CRACR2A: variants seen among roughly 807,000 people sequenced by gnomAD.
CRACR2A encodes calcium release activated channel regulator 2A.
Under a neutral mutation model 90.5 loss-of-function variants are expected in CRACR2A, and 79 were observed. That is an observed-to-expected ratio of 0.87 (90% CI 0.73 to 1.05). The LOEUF (loss-of-function observed/expected upper bound fraction) is 1.05. Ranked by LOEUF, CRACR2A falls within the 50% of genes least tolerant of loss-of-function variation. CRACR2A has a pLI of 0.00. For synonymous variants in CRACR2A, 338 were observed against 356.7 expected (o/e 0.95, Z 0.59); for missense variants, 823 against 897.2 (o/e 0.92, Z 1.06).
At chr12:3,649,754 T>C (rs1944761499) in intron 10 of CRACR2A, among the ~76,000 whole-genome samples, 1 of 150,020 alleles carries the variant, frequency 6.7e-6, no homozygotes, top group Non-Finnish European at 1.5e-5. Flanking sequence ...CAGCAAATAG[T>C]TGTAGGAAGA....
chr12:3,672,070 C>T (rs1945253711), intron 7 of CRACR2A, among the ~76,000 whole-genome samples: 1 of 152,192 alleles, frequency 6.6e-6, no homozygotes, highest in African/African-American at 2.4e-5. Context: ...ATGTTCTTAA[C>T]AGTTCTCCAG....
chr12:3,706,298 T>C (rs1945920020), intron 3 of CRACR2A, among the ~76,000 whole-genome samples: 1 of 152,258 alleles, frequency 6.6e-6, no homozygotes. Flanking sequence ...ACAGGGCTGC[T>C]CTCTCCACCC....
chr12:3,748,698 G>T (rs781368627), intron 1 of CRACR2A, among the ~76,000 whole-genome samples: 5 of 152,310 alleles, frequency 3.3e-5, no homozygotes, highest in Non-Finnish European at 4.4e-5. Context: ...AAAGGGCAGA[G>T]CAGTTACAAG....
chr12:3,643,885 T>TTA (rs1944632464), intron 12 of CRACR2A, among the ~76,000 whole-genome samples: 2 of 45,328 alleles, frequency 4.4e-5, no homozygotes, highest in East Asian at 2.1e-3. Flanking sequence ...TATATTTATA[T>TTA]TAATATATAA....
chr12:3,680,307 C>A lies in CRACR2A; in HGVS notation c.271G>T (p.Asp91Tyr). 6.2e-7 allele frequency: 1 copy of A among 1,614,214 alleles called. No individual in the cohort carries two copies. ...ELPLSLEELE[D>Y]VFDALDADGN... Reference sequence around the variant, plus strand: ...TCAGCATCCAGGGCATCAAACACATCCTCCAGTTCCTCCAGGCTGAGCGGT... The same window carrying A: ...TCAGCATCCAGGGCATCAAACACATACTCCAGTTCCTCCAGGCTGAGCGGT... The change falls in exon 5 of 20, where the codon GAT (aspartate) becomes TAT (tyrosine). Residue 91 changes from aspartate (D) to tyrosine (Y), a missense_variant. Physicochemically the swap from Asp to Tyr is radical, Grantham distance 160 (BLOSUM62 -3). Transcript: ENST00000440314.
chr12:3,619,456 G>A, intron 17 of CRACR2A, 84 bp from the exon 18 acceptor site: 1 of 1,075,152 alleles, frequency 9.3e-7, no homozygotes, highest in Non-Finnish European at 1.4e-6. Context: ...CTGGACAGAT[G>A]GGACCTCGCT....
intron 7 of CRACR2A, among the ~76,000 whole-genome samples, chr12:3,661,808 AAAGT>A (rs1482635709): frequency 1.3e-5 from 2 of 152,250 alleles, no homozygotes; most frequent in African/African-American, 4.8e-5. Flanking sequence ...TAAAACTAAT[AAAGT>A]AAGATGAGAG....
At chr12:3,629,280 C>T (rs1944336155) in intron 15 of CRACR2A, among the ~76,000 whole-genome samples, 2 of 152,318 alleles carry the variant, frequency 1.3e-5, no homozygotes, top group South Asian at 2.1e-4. Flanking sequence ...CACTGCTCCT[C>T]CTGTAGCCAG....
At chr12:3,741,591 A>G (rs1211523537) in intron 1 of CRACR2A, among the ~76,000 whole-genome samples, 3 of 152,220 alleles carry the variant, frequency 2.0e-5, no homozygotes, top group African/African-American at 7.2e-5. Flanking sequence ...AGATGAGGCA[A>G]CTGAGGCCCA....
chr12:3,644,538 T>C, intron 12 of CRACR2A, 57 bp downstream of exon 12: 1 of 1,515,444 alleles, frequency 6.6e-7, no homozygotes, highest in South Asian at 1.2e-5. Context: ...TGGATCTGGC[T>C]GTCCAGTGGA....
chr12:3,659,737 C>A, intron 7 of CRACR2A, 83 bp from the exon 8 acceptor site: 1 of 1,100,842 alleles, frequency 9.1e-7, no homozygotes, highest in South Asian at 1.3e-5. Context: ...ACCAGTTCCC[C>A]AACTCTGGAG....
intron 3 of CRACR2A, among the ~76,000 whole-genome samples, chr12:3,705,180 G>C (rs145537147): frequency 2.6e-5 from 4 of 152,322 alleles, no homozygotes; most frequent in Admixed American, 2.6e-4. Flanking sequence ...AAGGAGAAAA[G>C]AGAAAATACT....
rs946686117 is a variant in CRACR2A at position 3,633,848 on chromosome 12, C to T, written c.1603-112G>A. On this transcript the variant is annotated intron_variant, in intron 14 of 19. Transcript: ENST00000440314. The surrounding 1 kb of genome is among the most constrained non-coding windows in gnomAD (Gnocchi z 4.5). ...ACAGTGGCCCTCAGGAGGTGCAGAC[C>T]GGCCTCTAGACCTGCACCAGGAGGC... 111 of 1,437,314 alleles carry T rather than the reference C, an allele frequency of 7.7e-5. No homozygotes were observed. In the South Asian group the frequency reaches 1.1e-3, roughly 14 times the overall value. The allele number at this position is 1,437,314 out of a possible 1,614,324, so 89.0% of individuals were successfully genotyped here. A position where few individuals can be genotyped will look rare whatever the true frequency, so the allele number is the denominator to read the frequency against.
Position 3,673,618 on chromosome 12 carries a change from G to A in CRACR2A, c.525-26C>T, listed in dbSNP as rs1176818893. 2.5e-6 allele frequency: 4 copies of A among 1,607,894 alleles called. No individual in the cohort carries two copies. In the African/African-American group the frequency reaches 5.4e-5, roughly 22 times the overall value. On this transcript the variant is annotated intron_variant, in intron 6 of 19. Transcript: ENST00000440314. The stretch of plus-strand genomic sequence containing the variant: ...CTGCAAGAGAAGGGACGCTCATGTG[G>A]AAGTGTGGAGATGAGGCTTCACGGG...
intron 13 of CRACR2A, among the ~76,000 whole-genome samples, chr12:3,639,245 C>G (rs7296926): frequency 0.22 from 33,384 of 151,878 alleles, 3,952 homozygotes; most frequent in African/African-American, 0.29. Flanking sequence ...CTAGAAGTCA[C>G]AATCAGGAGT....
intron 12 of CRACR2A, 134 bp downstream of exon 12, chr12:3,644,461 C>G: frequency 1.1e-6 from 1 of 923,348 alleles, no homozygotes; most frequent in Admixed American, 2.1e-5. Flanking sequence ...ATTTGCAAAA[C>G]GTTTTCATGC....
At chr12:3,619,168 C>T (rs1421694725) in intron 18 of CRACR2A, 103 bp downstream of exon 18, 3 of 876,964 alleles carry the variant, frequency 3.4e-6, no homozygotes, top group Non-Finnish European at 5.3e-6. Flanking sequence ...GCTTCCTTCC[C>T]ATGGCACTTC....
intron 2 of CRACR2A, among the ~76,000 whole-genome samples, chr12:3,724,350 G>A (rs527468627): frequency 4.5e-4 from 69 of 152,330 alleles, no homozygotes; most frequent in African/African-American, 1.5e-3. Context: ...AGAAGTCAGC[G>A]AGGACTCTGC....
At position 3,633,761 on chromosome 12, in the gene CRACR2A, A is replaced by G. The variant is rs1460158167; in HGVS notation, c.1603-25T>C. ...CCTGTGGATGGCACACAATCTGACC[A>G]ACTGCAGGGAATAGTCTTGCCAGCC... On this transcript the variant is annotated intron_variant, in intron 14 of 19. Transcript: ENST00000440314. The surrounding 1 kb of genome is among the most constrained non-coding windows in gnomAD (Gnocchi z 4.5). 6 of 1,551,226 alleles carry G rather than the reference A, an allele frequency of 3.9e-6. No individual in the cohort carries two copies. In the Admixed American group the frequency reaches 9.8e-5, roughly 25 times the overall value.
Sources: gnomAD v4.1 joint callset for allele counts (sites outside exome capture counted in the v4.1 genomes callset) on GRCh38, gnomAD v4.1.1 for gene constraint, Gnocchi (gnomAD v3.1) non-coding constraint, MANE v1.5 for transcripts, NCBI Gene and HGNC (gene_info 2026-07-23, HGNC 2026-07-21) for gene names.